CENPI: variants seen among roughly 807,000 people sequenced by gnomAD.
CENPI encodes centromere protein I, also known as FSH primary response 1.
Under a neutral mutation model 60.4 loss-of-function variants are expected in CENPI, and 4 were observed. The observed-to-expected ratio is 0.07, with a 90% CI of 0.03 to 0.15. The LOEUF (loss-of-function observed/expected upper bound fraction) is 0.15, where lower values mean the gene tolerates loss of function less well. Among genes scored for constraint, CENPI ranks in the 10% least tolerant of loss-of-function variants. CENPI has a pLI of 1.00. For synonymous variants in CENPI, 157 were observed against 189.4 expected, an observed-to-expected ratio of 0.83 and a Z score of 1.40; for missense variants, 444 against 534.5, an observed-to-expected ratio of 0.83 and a Z score of 1.67.
intron 15 of CENPI, among the ~76,000 whole-genome samples, chrX:101,133,758 G>C (rs5921732): frequency 1.8e-5 from 2 of 111,843 alleles, no homozygotes; most frequent in South Asian, 7.4e-4. Context: ...ATGTTGCCAA[G>C]TATCCCAGGA....
At chrX:101,121,376 C>T (rs145686555) in intron 8 of CENPI, among the ~76,000 whole-genome samples, 16,796 of 109,609 alleles carry the variant, frequency 0.15, 1,199 homozygotes, top group Non-Finnish European at 0.22. Flanking sequence ...CTGCAACCTC[C>T]GCCTCCTGGG....
At chrX:101,162,322 C>T (rs993052474) in intron 21 of CENPI, among the ~76,000 whole-genome samples, 8 of 106,772 alleles carry the variant, frequency 7.5e-5, no homozygotes, top group African/African-American at 2.1e-4. Context: ...GGCATAGTGG[C>T]ACGTGCCTGT....
At chrX:101,116,171 T>C (rs915058684) in intron 6 of CENPI, among the ~76,000 whole-genome samples, 1 of 111,933 alleles carries the variant, frequency 8.9e-6, no homozygotes, top group Non-Finnish European at 1.9e-5. Flanking sequence ...GCATTTGCAT[T>C]ATGTTAAGTA....
At chrX:101,131,442 A>G (rs1463404741) in intron 13 of CENPI, among the ~76,000 whole-genome samples, 3 of 111,536 alleles carry the variant, frequency 2.7e-5, no homozygotes, top group Admixed American at 1.9e-4. Flanking sequence ...GAGAAAAGAA[A>G]TATAGGAGGA....
the CENPI span, among the ~76,000 whole-genome samples, chrX:101,173,722 C>T: frequency 1.8e-5 from 2 of 110,012 alleles, no homozygotes; most frequent in South Asian, 3.9e-4. Context: ...TTACTGAAAA[C>T]ACAACCTCCC....
intron 4 of CENPI, 71 bp from the exon 5 acceptor site, chrX:101,109,402 A>G (rs2089527784): frequency 1.2e-6 from 1 of 855,350 alleles, no homozygotes; most frequent in African/African-American, 2.0e-5. Context: ...TTTTAGATCC[A>G]AGAGTGAATA....
At chrX:101,169,961 T>A (rs2090152935), downstream of CENPI, among the ~76,000 whole-genome samples, 1 of 112,306 alleles carries the variant, frequency 8.9e-6, no homozygotes, top group Admixed American at 9.5e-5. Context: ...GTAAAAAATT[T>A]TAAAATTTTA....
chrX:101,177,340 G>T, the CENPI span, among the ~76,000 whole-genome samples: 96 of 106,491 alleles, frequency 9.0e-4, 1 homozygote, highest in African/African-American at 3.5e-3. Context: ...GCTGCAGGTG[G>T]GTACCTGCAG....
At chrX:101,158,466 C>T (rs189442010) in intron 20 of CENPI, among the ~76,000 whole-genome samples, 1,775 of 108,574 alleles carry the variant, frequency 0.016, 9 homozygotes, top group Middle Eastern at 0.089. Context: ...TTAGTAGAGA[C>T]GGAGTTTCAC....
Position 101,140,827 on chromosome X carries a change from G to A in CENPI, c.1565+67G>A, listed in dbSNP as rs2089909222. On this transcript the variant is annotated intron_variant, in intron 16 of 21. Transcript: ENST00000682095. ...CAAATGTTTGCATATGTTTAATAGT[G>A]TGGCGTGAAACAATTTTTTTCATGT... is the stretch of plus-strand genomic sequence containing the variant. 3 of 786,423 alleles carry A rather than the reference G, an allele frequency of 3.8e-6. No homozygotes were observed. The East Asian group carries it at 1.0e-4, about 26-fold the overall frequency. The allele number at this position is 786,423 out of a possible 1,213,427, so 64.8% of individuals were successfully genotyped here.
chrX:101,105,320 C>G (rs1302651335), intron 4 of CENPI, among the ~76,000 whole-genome samples: 1 of 110,969 alleles, frequency 9.0e-6, no homozygotes, highest in Non-Finnish European at 1.9e-5. Context: ...ATCAGGAGAT[C>G]GAGACCATCC....
chrX:101,118,291 G>A (rs189147544), intron 6 of CENPI, among the ~76,000 whole-genome samples: 98 of 111,893 alleles, frequency 8.8e-4, no homozygotes, highest in Non-Finnish European at 1.6e-3. Flanking sequence ...AAGTAAGGAT[G>A]CAGGATGCTC....
chrX:101,152,361 C>T (rs56815851), intron 20 of CENPI, among the ~76,000 whole-genome samples: 1,732 of 109,918 alleles, frequency 0.016, 47 homozygotes, highest in African/African-American at 0.054. Flanking sequence ...CCCGGCCTGG[C>T]CTCTAGAAGT....
intron 15 of CENPI, among the ~76,000 whole-genome samples, chrX:101,135,326 A>G (rs891542031): frequency 9.0e-6 from 1 of 111,264 alleles, no homozygotes; most frequent in African/African-American, 3.3e-5. Flanking sequence ...TGATGGCAGG[A>G]CATGATGCAG....
chrX:101,170,340 CTA>C (rs1447484868), downstream of CENPI, among the ~76,000 whole-genome samples: 4 of 111,803 alleles, frequency 3.6e-5, no homozygotes, highest in Admixed American at 9.6e-5. Flanking sequence ...TAAGTATACT[CTA>C]TGATGTTCAC....
At chrX:101,143,641 C>T (rs898405241) in intron 16 of CENPI, among the ~76,000 whole-genome samples, 2 of 112,632 alleles carry the variant, frequency 1.8e-5, no homozygotes, top group Non-Finnish European at 3.8e-5. Context: ...AGGGATTCTC[C>T]TGCCTCAGCC....
chrX:101,106,087 C>T (rs2089480693), intron 4 of CENPI, among the ~76,000 whole-genome samples: 1 of 111,017 alleles, frequency 9.0e-6, no homozygotes, highest in African/African-American at 3.3e-5. Context: ...GGACTTTAGA[C>T]TCTTTAAAAA....
chrX:101,146,123 G>T, intron 17 of CENPI, 30 bp from the exon 18 acceptor site: 1 of 1,176,973 alleles, frequency 8.5e-7, no homozygotes, highest in Non-Finnish European at 1.1e-6. Context: ...GGAATACTCT[G>T]TATACTGATG....
rs947369118 is a variant in CENPI at position 101,129,428 on chromosome X, T to G, written c.1196-554T>G. Among the ~76,000 whole-genome samples, 3 of 110,867 alleles carry G rather than the reference T, an allele frequency of 2.7e-5. No homozygotes were observed. In the Admixed American group the frequency reaches 2.9e-4, roughly 11 times the overall value. On this transcript the variant is annotated intron_variant, in intron 12 of 21. Transcript: ENST00000682095. ...AGGGGCGGGTATATTTCTCTAGAGA[T>G]AATATTTCTTTTGACCAAATTTGAG...
Sources: gnomAD v4.1 joint callset for allele counts (sites outside exome capture counted in the v4.1 genomes callset) on GRCh38, gnomAD v4.1.1 for gene constraint, MANE v1.5 for transcripts, NCBI Gene and HGNC (gene_info 2026-07-23, HGNC 2026-07-21) for gene names.